INPP5A: variants seen among roughly 807,000 people sequenced by gnomAD.
The protein encoded by INPP5A is inositol polyphosphate-5-phosphatase A.
INPP5A carries 14 observed loss-of-function variants against 65.2 expected under a neutral mutation model. The ratio of observed to expected loss-of-function variants is 0.21; its 90% CI spans 0.14 to 0.34. INPP5A has a LOEUF of 0.34. Ranked by LOEUF, INPP5A falls within the 10% of genes least tolerant of loss-of-function variation. The pLI is 1.00. For synonymous variants in INPP5A, 207 were observed against 208.3 expected, an observed-to-expected ratio of 0.99 and a Z score of 0.05; for missense variants, 431 against 545.6, an observed-to-expected ratio of 0.79 and a Z score of 2.09.
At chr10:132,671,964 G>A (rs1272268909) in intron 4 of INPP5A, among the ~76,000 whole-genome samples, 2 of 152,198 alleles carry the variant, frequency 1.3e-5, no homozygotes, top group African/African-American at 4.8e-5. Context: ...GGTGCTCAGG[G>A]TGGACAGCAT....
At chr10:132,642,403 C>A (rs577558416) in intron 2 of INPP5A, among the ~76,000 whole-genome samples, 2 of 152,350 alleles carry the variant, frequency 1.3e-5, no homozygotes, top group Admixed American at 1.3e-4. Flanking sequence ...GTGCGTCTGG[C>A]GTTCCGGGGC....
intron 9 of INPP5A, 87 bp downstream of exon 9, chr10:132,726,992 A>G (rs1391578986): frequency 2.4e-6 from 2 of 834,998 alleles, no homozygotes; most frequent in Admixed American, 2.7e-5. Context: ...CCTTACTGGC[A>G]CTTTCAATGC....
At chr10:132,758,345 G>A (rs1175089609) in intron 11 of INPP5A, among the ~76,000 whole-genome samples, 2 of 136,326 alleles carry the variant, frequency 1.5e-5, no homozygotes, top group Non-Finnish European at 3.3e-5. Flanking sequence ...CGGCACCATG[G>A]CGTGGGTCCC....
At chr10:132,604,630 G>C (rs1043883847) in intron 1 of INPP5A, among the ~76,000 whole-genome samples, 1 of 152,234 alleles carries the variant, frequency 6.6e-6, no homozygotes, top group East Asian at 1.9e-4. Flanking sequence ...TGCACACTGT[G>C]GTCTGTGGGG....
intron 7 of INPP5A, 74 bp from the exon 8 acceptor site, chr10:132,710,263 A>T (rs1845611091): frequency 7.1e-6 from 11 of 1,549,854 alleles, no homozygotes; most frequent in Middle Eastern, 1.9e-4. Context: ...CTTCCCGGGG[A>T]CTCCTTGGGA....
At position 132,607,895 on chromosome 10, in the gene INPP5A, T is replaced by A; in HGVS notation, c.76-20T>A. ...GTGCCATTGGTCTGACTGGCTTTTC[T>A]TTTTCTTCTTAATTTACAGCCAGAA... is the stretch of plus-strand genomic sequence containing the variant. On this transcript the variant is annotated intron_variant, in intron 1 of 15. Transcript: ENST00000368594. The A allele has an allele frequency of 6.2e-7, 1 of 1,605,538 alleles. No individual in the cohort carries two copies. Among genetic ancestry groups the A allele is most frequent in the Non-Finnish European group, 8.5e-7 (1 of 1,179,566 alleles).
chr10:132,554,874 G>A (rs954883110), intron 1 of INPP5A, among the ~76,000 whole-genome samples: 3 of 147,746 alleles, frequency 2.0e-5, no homozygotes, highest in African/African-American at 7.6e-5. Flanking sequence ...TGGTGTGGTT[G>A]GCATTGATGT....
chr10:132,681,097 T>C, intron 4 of INPP5A, among the ~76,000 whole-genome samples: 1 of 151,574 alleles, frequency 6.6e-6, no homozygotes, highest in East Asian at 1.9e-4. Context: ...GGATCCACCG[T>C]GTGAAGCCAG....
At chr10:132,720,881 C>G (rs1166844897) in intron 8 of INPP5A, among the ~76,000 whole-genome samples, 6 of 149,916 alleles carry the variant, frequency 4.0e-5, no homozygotes, top group Non-Finnish European at 8.9e-5. Context: ...TCTGTGGTAC[C>G]TGGGTTCTGT....
At chr10:132,559,821 A>G (rs2071178507) in intron 1 of INPP5A, among the ~76,000 whole-genome samples, 1 of 152,180 alleles carries the variant, frequency 6.6e-6, no homozygotes, top group Non-Finnish European at 1.5e-5. Flanking sequence ...TTCTGGGCTC[A>G]CCTGTGCTTC....
intron 2 of INPP5A, among the ~76,000 whole-genome samples, chr10:132,620,441 G>C (rs551065506): frequency 4.6e-5 from 7 of 152,278 alleles, no homozygotes; most frequent in Non-Finnish European, 1.0e-4. Context: ...GCTGTTAGAA[G>C]CAGCCAGGCC....
intron 2 of INPP5A, among the ~76,000 whole-genome samples, chr10:132,626,542 A>G (rs188585573): frequency 6.6e-6 from 1 of 152,300 alleles, no homozygotes; most frequent in East Asian, 1.9e-4. Flanking sequence ...TCGTAGCAAT[A>G]TACAGTTGTG....
chr10:132,668,764 G>A (rs2072840826), intron 4 of INPP5A, among the ~76,000 whole-genome samples: 2 of 152,174 alleles, frequency 1.3e-5, no homozygotes, highest in Admixed American at 6.5e-5. Flanking sequence ...TCTCTGAATA[G>A]CTCAGGGGGC....
At chr10:132,646,058 C>T (rs1212477662) in intron 3 of INPP5A, 90 bp downstream of exon 3, 3 of 825,466 alleles carry the variant, frequency 3.6e-6, no homozygotes, top group Non-Finnish European at 6.1e-6. Flanking sequence ...TGATCACCAG[C>T]CTCACCATTC....
chr10:132,783,040 C>A lies in INPP5A; in HGVS notation c.*1011C>A, dbSNP rs981693774. The A allele has an allele frequency of 6.6e-6, 1 of 152,336 alleles. No individual in the cohort carries two copies. The highest frequency in any genetic ancestry group is 6.5e-5 in the Admixed American group (1 of 15,268). The allele number at this position is 152,336 out of a possible 1,614,324, so 9.4% of individuals were successfully genotyped here. On this transcript the variant is annotated 3_prime_UTR_variant, in exon 16 of 16. Transcript: ENST00000368594. ...CAATAGAAACTGCTTTTAACATGGG[C>A]TGTATATAAAAATATTAAAGAGAAA... is the stretch of plus-strand genomic sequence containing the variant.
At chr10:132,542,341 C>G (rs1343800688) in intron 1 of INPP5A, among the ~76,000 whole-genome samples, 2 of 152,226 alleles carry the variant, frequency 1.3e-5, no homozygotes, top group Non-Finnish European at 2.9e-5. Context: ...TTGCAGTCAG[C>G]AGGTGTTGAA....
chr10:132,688,769 C>T (rs548355927), intron 4 of INPP5A, among the ~76,000 whole-genome samples: 27 of 149,294 alleles, frequency 1.8e-4, no homozygotes, highest in African/African-American at 6.7e-4. Flanking sequence ...TGTGAGTGCA[C>T]GAATGAGTTC....
chr10:132,665,582 C>T (rs369566516), intron 4 of INPP5A, among the ~76,000 whole-genome samples: 1 of 137,498 alleles, frequency 7.3e-6, no homozygotes, highest in East Asian at 2.2e-4. Context: ...ATTGCTTGAG[C>T]TTAGGAGTAA....
chr10:132,735,159 AC>A (rs942942863), intron 9 of INPP5A, among the ~76,000 whole-genome samples: 1 of 151,606 alleles, frequency 6.6e-6, no homozygotes, highest in Non-Finnish European at 1.5e-5. Flanking sequence ...ACCCTCTGCA[AC>A]CCCCCGTGTG....
Sources: allele counts gnomAD v4.1 joint callset (sites outside exome capture counted in the v4.1 genomes callset), GRCh38; gene constraint gnomAD v4.1.1; transcripts MANE v1.5; gene names NCBI Gene and HGNC (gene_info 2026-07-23, HGNC 2026-07-21).